The following NBAS variants were observed in gnomAD, a reference collection of about 807,000 sequenced individuals.
NBAS encodes NAG/BC035112 fusion.
A neutral mutation model predicts 302.5 loss-of-function variants in NBAS; 219 were observed. That is an observed-to-expected ratio of 0.72 (90% CI 0.65 to 0.81). The LOEUF is 0.81. NBAS is among the 30% of genes least tolerant of loss of function. The probability of loss-of-function intolerance (pLI) is 0.00; values close to 1 mark genes in which losing one functional copy is unlikely to be tolerated. For missense variants in NBAS, 2,932 were observed against 2,841.6 expected, an observed-to-expected ratio of 1.03 and a Z score of -0.72; for synonymous variants, 1,118 against 1,021.6, an observed-to-expected ratio of 1.09 and a Z score of -1.80.
chr2:15,459,018 T>C (rs181717504), intron 21 of NBAS, among the ~76,000 whole-genome samples: 1 of 152,322 alleles, frequency 6.6e-6, no homozygotes, highest in African/African-American at 2.4e-5. Flanking sequence ...TTGATCACAA[T>C]TTAAACTGGT....
chr2:15,242,252 T>C (rs562952699), intron 44 of NBAS, among the ~76,000 whole-genome samples: 7 of 152,346 alleles, frequency 4.6e-5, no homozygotes, highest in Admixed American at 1.3e-4. Context: ...CACTACAGTG[T>C]CATTAGAAAA....
At chr2:15,042,159 C>T in the NBAS span, among the ~76,000 whole-genome samples, 2 of 152,318 alleles carry the variant, frequency 1.3e-5, no homozygotes, top group South Asian at 4.1e-4. Context: ...AAGGCAATGG[C>T]AAGGAAGGAG....
At chr2:15,386,663 T>C (rs780071249) in intron 28 of NBAS, among the ~76,000 whole-genome samples, 1 of 152,158 alleles carries the variant, frequency 6.6e-6, no homozygotes, top group Non-Finnish European at 1.5e-5. Context: ...CCACCTACTG[T>C]CCGGCAAGCA....
At chr2:14,918,814 C>T in the NBAS span, among the ~76,000 whole-genome samples, 2,683 of 151,996 alleles carry the variant, frequency 0.018, 87 homozygotes, top group African/African-American at 0.062. Context: ...GAAGTTTTCT[C>T]GGTGATCCAG....
chr2:15,184,835 T>C (rs1447904612), intron 50 of NBAS, among the ~76,000 whole-genome samples: 1 of 152,180 alleles, frequency 6.6e-6, no homozygotes, highest in East Asian at 1.9e-4. Flanking sequence ...CCAACTTACA[T>C]TCCTTGCCTT....
At chr2:15,200,566 ATAGT>A (rs1380666076) in intron 48 of NBAS, among the ~76,000 whole-genome samples, 5 of 152,228 alleles carry the variant, frequency 3.3e-5, no homozygotes, top group Non-Finnish European at 5.9e-5. Flanking sequence ...GGCACCTGTA[ATAGT>A]TAGTGTTATT....
the NBAS span, among the ~76,000 whole-genome samples, chr2:15,014,952 T>A: frequency 6.6e-6 from 1 of 151,664 alleles, no homozygotes; most frequent in East Asian, 1.9e-4. Flanking sequence ...AAAGGAGACA[T>A]TACAATTGAT....
chr2:15,354,082 TAAGA>T (rs1673499995), intron 33 of NBAS, among the ~76,000 whole-genome samples: 1 of 152,222 alleles, frequency 6.6e-6, no homozygotes, highest in African/African-American at 2.4e-5. Context: ...GTGAGAGCTT[TAAGA>T]AAGAGCCAAA....
At chr2:15,283,609 A>T (rs1669916356) in intron 42 of NBAS, among the ~76,000 whole-genome samples, 1 of 152,100 alleles carries the variant, frequency 6.6e-6, no homozygotes, top group East Asian at 1.9e-4. Context: ...AGTCAATTAA[A>T]CCTCTTTTCT....
chr2:15,160,425 A>G, the NBAS span, among the ~76,000 whole-genome samples: 1 of 152,194 alleles, frequency 6.6e-6, no homozygotes, highest in African/African-American at 2.4e-5. Context: ...GGGAGGCTTA[A>G]GGGACACCCC....
At chr2:14,795,315 C>T in the NBAS span, among the ~76,000 whole-genome samples, 8 of 152,196 alleles carry the variant, frequency 5.3e-5, no homozygotes, top group African/African-American at 1.4e-4. Context: ...TAATATCTCA[C>T]GGTGACTTTA....
the NBAS span, among the ~76,000 whole-genome samples, chr2:14,915,009 T>C: frequency 6.6e-6 from 1 of 152,224 alleles, no homozygotes; most frequent in East Asian, 1.9e-4. Context: ...GAGTTTTTTA[T>C]GGTATTTGTT....
chr2:15,062,449 T>C, the NBAS span, among the ~76,000 whole-genome samples: 1 of 152,222 alleles, frequency 6.6e-6, no homozygotes, highest in Non-Finnish European at 1.5e-5. Flanking sequence ...CATGATCCTT[T>C]TATGTGCAAT....
At chr2:14,911,473 G>C in the NBAS span, among the ~76,000 whole-genome samples, 2 of 152,200 alleles carry the variant, frequency 1.3e-5, no homozygotes, top group Non-Finnish European at 2.9e-5. Flanking sequence ...CTCTCTGAGA[G>C]AGGGGCATGA....
the NBAS span, among the ~76,000 whole-genome samples, chr2:15,159,256 T>C: frequency 2.6e-5 from 4 of 152,188 alleles, no homozygotes; most frequent in Admixed American, 6.5e-5. Context: ...ATGTCTTTCA[T>C]AGATTTCATC....
At chr2:14,995,217 C>T in the NBAS span, among the ~76,000 whole-genome samples, 1 of 152,260 alleles carries the variant, frequency 6.6e-6, no homozygotes, top group South Asian at 2.1e-4. Flanking sequence ...CCCCTGCCCC[C>T]ACTCCACAAC....
chr2:14,917,798 G>A, the NBAS span, among the ~76,000 whole-genome samples: 1 of 152,162 alleles, frequency 6.6e-6, no homozygotes, highest in Admixed American at 6.5e-5. Flanking sequence ...AAGTAGCCCT[G>A]AGTCCAAAAT....
At position 15,517,733 on chromosome 2, in the gene NBAS, C is replaced by T. The variant is rs75420154; in HGVS notation, c.747-6383G>A. ...ACATGTGATGGGATGTCAAAACACA[C>T]AACACAATATCCAAAACATGCTGGC... On this transcript the variant is annotated intron_variant, in intron 9 of 51. Coordinates refer to ENST00000281513, the MANE Select transcript of NBAS (RefSeq NM_015909.4). Among the ~76,000 whole-genome samples the T allele has an allele frequency of 7.8e-3, 1,194 of 152,196 alleles. 20 individuals carry two copies. The highest frequency in any genetic ancestry group is 0.057 in the East Asian group (294 of 5,182).
At chr2:15,391,001 T>C (rs1257134688) in intron 28 of NBAS, among the ~76,000 whole-genome samples, 1 of 151,856 alleles carries the variant, frequency 6.6e-6, no homozygotes, top group South Asian at 2.1e-4. Flanking sequence ...TCCTAGCTAC[T>C]CGGGAGGCTG....
Sources: allele counts gnomAD v4.1 joint callset (sites outside exome capture counted in the v4.1 genomes callset), GRCh38; gene constraint gnomAD v4.1.1; transcripts MANE v1.5; gene names NCBI Gene and HGNC (gene_info 2026-07-23, HGNC 2026-07-21).